The following SASH1 variants were observed in gnomAD, a reference collection of about 807,000 sequenced individuals.
The protein encoded by SASH1 is SAM and SH3 domain containing 1.
In SASH1, 44 loss-of-function variants were observed where a neutral mutation model predicts 125.2. The ratio of observed to expected loss-of-function variants is 0.35; its 90% CI spans 0.28 to 0.45. The LOEUF is 0.45. SASH1 is among the 20% of genes least tolerant of loss of function. The pLI, the probability that SASH1 is intolerant of heterozygous loss-of-function variation, is 1.00. For missense variants in SASH1, 1,426 were observed against 1,614.5 expected (o/e 0.88, Z 2.00); for synonymous variants, 639 against 649.1 (o/e 0.98, Z 0.24).
chr6:148,209,252 C>T, the SASH1 span, among the ~76,000 whole-genome samples: 2 of 152,224 alleles, frequency 1.3e-5, no homozygotes. Flanking sequence ...CCGTAATACA[C>T]CTTCATCATA....
At chr6:148,381,030 G>A (rs1248160040) in intron 1 of SASH1, among the ~76,000 whole-genome samples, 1 of 152,148 alleles carries the variant, frequency 6.6e-6, no homozygotes, top group Non-Finnish European at 1.5e-5. Context: ...GTTGATGATT[G>A]AAGGGCATAA....
the SASH1 span, among the ~76,000 whole-genome samples, chr6:148,257,280 A>T: frequency 6.6e-6 from 1 of 152,192 alleles, no homozygotes; most frequent in African/African-American, 2.4e-5. Context: ...GATCTCTGGC[A>T]CATGGTTAGG....
At chr6:148,437,202 A>G (rs945304321) in intron 2 of SASH1, among the ~76,000 whole-genome samples, 2 of 152,280 alleles carry the variant, frequency 1.3e-5, no homozygotes, top group East Asian at 1.9e-4. Context: ...CCAATAGTTT[A>G]TTCCATTTTT....
At chr6:148,541,514 G>GTGTT (rs1489895550) in intron 17 of SASH1, among the ~76,000 whole-genome samples, 3 of 152,014 alleles carry the variant, frequency 2.0e-5, no homozygotes, top group African/African-American at 7.2e-5. Flanking sequence ...GTCTGTGTGT[G>GTGTT]TGTTTGTGCT....
chr6:148,281,600 G>A (rs1159463769), intron 1 of SASH1, among the ~76,000 whole-genome samples: 2 of 152,100 alleles, frequency 1.3e-5, no homozygotes, highest in Admixed American at 6.5e-5. Context: ...ATAATGGACA[G>A]GGACATAGAG....
intron 8 of SASH1, among the ~76,000 whole-genome samples, chr6:148,507,358 T>TTTGTTGTTGTTGTTG (rs140530862): frequency 0.029 from 4,432 of 150,496 alleles, 86 homozygotes; most frequent in Non-Finnish European, 0.046. Context: ...CCAATTCCCT[T>TTTGTTGTTGTTGTTG]TTGTTGTTGT....
At chr6:148,236,413 T>C in the SASH1 span, among the ~76,000 whole-genome samples, 4 of 152,240 alleles carry the variant, frequency 2.6e-5, no homozygotes, top group South Asian at 8.3e-4. Context: ...GGTTTCACCA[T>C]GTTGGCCAGG....
rs115153009 is a variant in SASH1 at position 148,418,740 on chromosome 6, G to A, written c.286-21444G>A. 2.4e-3 allele frequency among the ~76,000 whole-genome samples: 370 copies of A among 152,328 alleles called. 2 individuals carry two copies. Among genetic ancestry groups the A allele is most frequent in the African/African-American group, 8.4e-3 (351 of 41,570 alleles). ...ACACTGAAGTCTGAGTACAGATAGC[G>A]TGGTGCAGTATTCCGATGGAAGCAC... On this transcript the variant is annotated intron_variant, in intron 2 of 19. Transcript: ENST00000367467.
intron 2 of SASH1, among the ~76,000 whole-genome samples, chr6:148,421,146 G>GAAGGAAAGAAGGAAGA (rs1554254949): frequency 1.4e-5 from 1 of 71,192 alleles, no homozygotes; most frequent in Admixed American, 1.5e-4. Context: ...AGGAAGGAAG[G>GAAGGAAAGAAGGAAGA]AAGAAAGAAA....
intron 4 of SASH1, among the ~76,000 whole-genome samples, chr6:148,467,873 G>A (rs966484505): frequency 6.6e-6 from 1 of 152,138 alleles, no homozygotes; most frequent in Non-Finnish European, 1.5e-5. Context: ...GGAGGCGGAG[G>A]TTGCAGTGAG....
At chr6:148,257,570 A>G in the SASH1 span, among the ~76,000 whole-genome samples, 2 of 151,966 alleles carry the variant, frequency 1.3e-5, no homozygotes, top group African/African-American at 2.4e-5. Flanking sequence ...TTTTCAAAGC[A>G]TAAGTCTGCC....
intron 1 of SASH1, among the ~76,000 whole-genome samples, chr6:148,287,087 C>G (rs1490697371): frequency 6.6e-6 from 1 of 152,030 alleles, no homozygotes; most frequent in African/African-American, 2.4e-5. Context: ...CCGTTCTTGC[C>G]CCAGGTCTCT....
chr6:148,496,822 A>G (rs965774551), intron 8 of SASH1, among the ~76,000 whole-genome samples: 1 of 152,080 alleles, frequency 6.6e-6, no homozygotes, highest in African/African-American at 2.4e-5. Context: ...GCAGTGAGCT[A>G]TGATTGTACC....
chr6:148,539,092 C>CTT (rs58542800), intron 16 of SASH1, among the ~76,000 whole-genome samples: 12 of 142,958 alleles, frequency 8.4e-5, no homozygotes, highest in East Asian at 4.0e-4. Context: ...TCCGATGCTG[C>CTT]TTTTTTTTTT....
chr6:148,498,831 T>A (rs1357829770), intron 8 of SASH1, among the ~76,000 whole-genome samples: 7 of 152,224 alleles, frequency 4.6e-5, no homozygotes, highest in Admixed American at 4.6e-4. Flanking sequence ...TGTTACTGAT[T>A]GATTACATGT....
the SASH1 span, among the ~76,000 whole-genome samples, chr6:148,199,835 G>T: frequency 6.6e-6 from 1 of 151,228 alleles, no homozygotes; most frequent in Non-Finnish European, 1.5e-5. Context: ...AGGAAAGAAA[G>T]AAAAGAAAAG....
At chr6:148,390,815 T>A (rs1783684133) in intron 2 of SASH1, among the ~76,000 whole-genome samples, 2 of 152,042 alleles carry the variant, frequency 1.3e-5, no homozygotes, top group South Asian at 2.1e-4. Context: ...TTTTTATTTT[T>A]ATTTTTTTAC....
At chr6:148,547,037 T>C (rs1461521532) in intron 19 of SASH1, among the ~76,000 whole-genome samples, 7 of 152,322 alleles carry the variant, frequency 4.6e-5, no homozygotes, top group South Asian at 4.1e-4. Flanking sequence ...CACAATTTCA[T>C]GGATAGAAGA....
chr6:148,221,229 C>A, the SASH1 span, among the ~76,000 whole-genome samples: 1 of 152,104 alleles, frequency 6.6e-6, no homozygotes, highest in Non-Finnish European at 1.5e-5. Flanking sequence ...CCCAATAAAT[C>A]TGAGCCTATT....
Sources: gnomAD v4.1 joint callset for allele counts (sites outside exome capture counted in the v4.1 genomes callset) on GRCh38, gnomAD v4.1.1 for gene constraint, MANE v1.5 for transcripts, NCBI Gene and HGNC (gene_info 2026-07-23, HGNC 2026-07-21) for gene names.